CHN1: variants seen among roughly 807,000 people sequenced by gnomAD.
CHN1 encodes the protein N-chimaerin.
CHN1 carries 37 observed loss-of-function variants against 59.5 expected under a neutral mutation model. The ratio of observed to expected loss-of-function variants is 0.62; its 90% CI spans 0.48 to 0.82. The LOEUF is 0.82. CHN1 is among the 40% of genes least tolerant of loss of function. The probability of loss-of-function intolerance (pLI) is 0.00; values close to 1 mark genes in which losing one functional copy is unlikely to be tolerated. For missense variants in CHN1, 469 were observed against 571.0 expected (o/e 0.82, Z 1.82); for synonymous variants, 206 against 200.4 (o/e 1.03, Z -0.24).
At chr2:174,860,043 G>GATA (rs373890367) in intron 6 of CHN1, among the ~76,000 whole-genome samples, 7 of 152,240 alleles carry the variant, frequency 4.6e-5, no homozygotes, top group African/African-American at 1.4e-4. Flanking sequence ...TTTTTTGTCA[G>GATA]ATAATATATC....
chr2:174,880,751 T>TA (rs1407317668), intron 5 of CHN1, among the ~76,000 whole-genome samples: 1 of 152,064 alleles, frequency 6.6e-6, no homozygotes, highest in Non-Finnish European at 1.5e-5. Context: ...GTGCTAAATT[T>TA]AAAAAAGTCT....
At chr2:174,845,692 A>G (rs538016778) in intron 7 of CHN1, among the ~76,000 whole-genome samples, 2 of 145,010 alleles carry the variant, frequency 1.4e-5, no homozygotes, top group East Asian at 4.4e-4. Context: ...AAGAAACATA[A>G]TTTTATTAGG....
At chr2:174,874,503 G>A (rs2105469342) in intron 6 of CHN1, among the ~76,000 whole-genome samples, 1 of 152,230 alleles carries the variant, frequency 6.6e-6, no homozygotes, top group African/African-American at 2.4e-5. Context: ...AGATCCTAGG[G>A]ACAAGTAAGA....
chr2:174,916,739 A>C (rs1446103850), intron 4 of CHN1, among the ~76,000 whole-genome samples: 3 of 152,220 alleles, frequency 2.0e-5, no homozygotes, highest in Non-Finnish European at 4.4e-5. Flanking sequence ...TAAATTTCCC[A>C]GTCTTTGAGA....
At chr2:174,864,232 T>C (rs1558957700) in intron 6 of CHN1, among the ~76,000 whole-genome samples, 1 of 152,180 alleles carries the variant, frequency 6.6e-6, no homozygotes, top group African/African-American at 2.4e-5. Context: ...ACTTCAACTA[T>C]CTTAAAAATC....
intron 11 of CHN1, among the ~76,000 whole-genome samples, chr2:174,802,723 G>A (rs1425241677): frequency 6.6e-6 from 1 of 152,156 alleles, no homozygotes; most frequent in Non-Finnish European, 1.5e-5. Flanking sequence ...TCTACTCAAA[G>A]GTCAAAAGAT....
At chr2:174,842,634 G>C (rs887262720) in intron 7 of CHN1, among the ~76,000 whole-genome samples, 1 of 152,152 alleles carries the variant, frequency 6.6e-6, no homozygotes, top group African/African-American at 2.4e-5. Context: ...ATTTGCCCAC[G>C]TCCTCGGGAG....
intron 1 of CHN1, among the ~76,000 whole-genome samples, chr2:174,972,149 C>CT (rs1487167506): frequency 4.6e-5 from 7 of 152,284 alleles, no homozygotes; most frequent in African/African-American, 1.7e-4. Flanking sequence ...TTAAAGTCTT[C>CT]TCCTTGCTGC....
rs540650170 is a variant in CHN1, at chr2:174,981,866, T to C, written c.19+23028A>G. Among the ~76,000 whole-genome samples, 291 of 152,278 alleles carry C rather than the reference T, an allele frequency of 1.9e-3. 1 individual carries two copies. Among genetic ancestry groups the C allele is most frequent in the African/African-American group, 6.8e-3 (284 of 41,568 alleles). ...AACGTGCAGGTTTGTTACATATGTA[T>C]ACATGTGCCATGTTGGTGTGCTGCA... is the stretch of plus-strand genomic sequence containing the variant. On this transcript the variant is annotated intron_variant, in intron 1 of 12. Transcript: ENST00000409900.
intron 8 of CHN1, among the ~76,000 whole-genome samples, chr2:174,812,698 T>G (rs1166899908): frequency 6.6e-6 from 1 of 152,160 alleles, no homozygotes; most frequent in East Asian, 1.9e-4. Context: ...TAGCTCACGC[T>G]TCATCGTTTA....
intron 6 of CHN1, among the ~76,000 whole-genome samples, chr2:174,869,785 A>G (rs1230430415): frequency 6.6e-6 from 1 of 152,172 alleles, no homozygotes; most frequent in African/African-American, 2.4e-5. Context: ...CTTTTTTCTC[A>G]CTATGAACTT....
chr2:174,936,703 C>G (rs977641868), intron 3 of CHN1, among the ~76,000 whole-genome samples: 2 of 151,708 alleles, frequency 1.3e-5, no homozygotes, highest in African/African-American at 4.8e-5. Context: ...AAATATGTAC[C>G]ATTACTTTAT....
chr2:174,849,331 G>A (rs914572671), intron 6 of CHN1, among the ~76,000 whole-genome samples: 14 of 152,140 alleles, frequency 9.2e-5, no homozygotes, highest in Non-Finnish European at 5.9e-5. Flanking sequence ...TGTATTTCCT[G>A]AGTAATGTTC....
At chr2:174,916,924 G>C (rs780685265) in intron 4 of CHN1, among the ~76,000 whole-genome samples, 2 of 152,210 alleles carry the variant, frequency 1.3e-5, no homozygotes, top group Non-Finnish European at 2.9e-5. Context: ...GGGCGCAGTA[G>C]CTCACGCCTG....
At chr2:174,884,266 C>A (rs563769253) in intron 5 of CHN1, among the ~76,000 whole-genome samples, 1 of 151,740 alleles carries the variant, frequency 6.6e-6, no homozygotes, top group Non-Finnish European at 1.5e-5. Context: ...CCACCGAGCC[C>A]GGCCTGAAAG....
chr2:174,819,615 T>C (rs1685409356), intron 8 of CHN1, among the ~76,000 whole-genome samples: 1 of 152,174 alleles, frequency 6.6e-6, no homozygotes, highest in Non-Finnish European at 1.5e-5. Flanking sequence ...AAAATACTAT[T>C]CAAGGGAACT....
At chr2:174,929,888 T>C (rs1689283662) in intron 3 of CHN1, among the ~76,000 whole-genome samples, 1 of 152,240 alleles carries the variant, frequency 6.6e-6, no homozygotes, top group Non-Finnish European at 1.5e-5. Context: ...TACAGATTTT[T>C]ACTCCAGTGC....
At position 174,907,960 on chromosome 2, in the gene CHN1, C is replaced by T. The variant is rs377082608; in HGVS notation, c.260+7098G>A. On this transcript the variant is annotated intron_variant, in intron 5 of 12. Transcript: ENST00000409900. ...GTTTTTTCAGTGTTTATCATTTGTT[C>T]TCAATTACTAAAATTTTTCCAAATA... Among the ~76,000 whole-genome samples, 17 of 152,136 alleles carry T rather than the reference C, an allele frequency of 1.1e-4. No homozygotes were observed. In the East Asian group the frequency reaches 3.1e-3, roughly 28 times the overall value.
intron 4 of CHN1, among the ~76,000 whole-genome samples, chr2:174,916,610 G>C (rs1688855810): frequency 6.6e-6 from 1 of 152,158 alleles, no homozygotes. Context: ...AAATTTTCTG[G>C]AGTTTTTCCT....
Sources: allele counts gnomAD v4.1 joint callset (sites outside exome capture counted in the v4.1 genomes callset), GRCh38; gene constraint gnomAD v4.1.1; transcripts MANE v1.5; gene names NCBI Gene and HGNC (gene_info 2026-07-23, HGNC 2026-07-21).